Variants in MACROH2A2 observed in about 807,000 individuals in gnomAD.
MACROH2A2 encodes core histone macro-H2A.2.
Under a neutral mutation model 37.6 loss-of-function variants are expected in MACROH2A2, and 6 were observed. The ratio of observed to expected loss-of-function variants is 0.16; its 90% CI spans 0.09 to 0.32. MACROH2A2 has a LOEUF of 0.32. MACROH2A2 is among the 10% of genes least tolerant of loss of function. The probability of loss-of-function intolerance (pLI) is 1.00; values close to 1 mark genes in which losing one functional copy is unlikely to be tolerated. For missense variants in MACROH2A2, 290 were observed against 485.9 expected, an observed-to-expected ratio of 0.60 and a Z score of 3.79; for synonymous variants, 192 against 202.7, an observed-to-expected ratio of 0.95 and a Z score of 0.45.
At chr10:70,097,620 G>C (rs1305575316) in intron 6 of MACROH2A2, among the ~76,000 whole-genome samples, 2 of 152,076 alleles carry the variant, frequency 1.3e-5, no homozygotes, top group African/African-American at 2.4e-5. Flanking sequence ...GGCCACCTTT[G>C]TTTCAGCTCT....
intron 4 of MACROH2A2, 86 bp downstream of exon 4, chr10:70,092,040 A>C: frequency 9.3e-7 from 1 of 1,080,146 alleles, no homozygotes. Context: ...ATATGTTGAA[A>C]CCTAACCCCA....
intron 1 of MACROH2A2, among the ~76,000 whole-genome samples, chr10:70,059,901 G>A (rs1197665343): frequency 6.6e-6 from 1 of 152,200 alleles, no homozygotes; most frequent in Non-Finnish European, 1.5e-5. Context: ...GTGGTGTGGT[G>A]TGGCCAGTGG....
In MACROH2A2 at chr10:70,090,110, C is replaced by T. The variant is rs1173293950; in HGVS notation, c.223C>T (p.Arg75Trp). 1.2e-6 allele frequency: 2 copies of T among 1,613,888 alleles called. No homozygotes were observed. Among genetic ancestry groups the T allele is most frequent in the African/African-American group, 1.3e-5 (1 of 74,912 alleles). ...TGCCGCGAGGGACAACAAGAAGGCC[C>T]GGATAGCCCCGAGACACATCTTGCT... ...GNAARDNKKA[R>W]IAPRHILLAV... The change falls in exon 3 of 9, where the codon CGG (arginine) becomes TGG (tryptophan). Residue 75 changes from arginine (R) to tryptophan (W), a missense_variant. Around this residue, in one of 3 missense-constraint regions of MACROH2A2, gnomAD observed 83 missense variants for 159.9 expected, o/e 0.52. Transcript: ENST00000373255.
rs752853113 is a variant in MACROH2A2 at position 70,111,835 on chromosome 10, C to G, written c.*152C>G. 1.6e-5 allele frequency: 8 copies of G among 515,018 alleles called. No individual in the cohort carries two copies. The highest frequency in any genetic ancestry group is 5.9e-5 in the African/African-American group (3 of 50,694). The allele number at this position is 515,018 out of a possible 1,614,324, so 31.9% of individuals were successfully genotyped here. ...CAGGGAGCCCTCTGCCCTTCACACT[C>G]TCCTCCAAAAGAGCCTCCATCTGTA... On this transcript the variant is annotated 3_prime_UTR_variant, in exon 9 of 9. Transcript: ENST00000373255.
At chr10:70,098,469 C>T (rs1468628029) in intron 6 of MACROH2A2, 8 of 152,208 alleles carry the variant, frequency 5.3e-5, no homozygotes, top group East Asian at 1.9e-4. Flanking sequence ...AATCAGTCCA[C>T]GCACTGCAGT....
chr10:70,069,249 C>T (rs2072095291), intron 1 of MACROH2A2, among the ~76,000 whole-genome samples: 1 of 152,170 alleles, frequency 6.6e-6, no homozygotes, highest in South Asian at 2.1e-4. Flanking sequence ...TTCCCCAGCA[C>T]ACACAAGACC....
At chr10:70,056,025 C>T (rs1318323203) in intron 1 of MACROH2A2, among the ~76,000 whole-genome samples, 1 of 152,032 alleles carries the variant, frequency 6.6e-6, no homozygotes, top group Non-Finnish European at 1.5e-5. Context: ...AAGCAAATTG[C>T]AGAACAGTAC....
At chr10:70,054,089 C>G (rs1308792553) in intron 1 of MACROH2A2, among the ~76,000 whole-genome samples, 2 of 152,210 alleles carry the variant, frequency 1.3e-5, no homozygotes, top group Non-Finnish European at 2.9e-5. Flanking sequence ...TTGTTCCTTA[C>G]AACAATGGCC....
chr10:70,100,278 C>A lies in MACROH2A2; in HGVS notation c.759C>A (p.Gly253=). The change falls in exon 7 of 9, where the codon GGC becomes GGA. Residue 253 remains glycine, a synonymous_variant. Coordinates refer to ENST00000373255, the MANE Select transcript of MACROH2A2 (RefSeq NM_018649.3). Reference sequence around the variant, plus strand: ...TAAAGGAGCTTCGCAAATCCCAAGGCCCTTTGGAAGTCGCCGAAGGTAAGT... The same window carrying A: ...TAAAGGAGCTTCGCAAATCCCAAGGACCTTTGGAAGTCGCCGAAGGTAAGT... The part of the protein sequence containing the change: ...ETVKELRKSQ[G]PLEVAEAAVS... 1 of 1,605,532 alleles carries A rather than the reference C, an allele frequency of 6.2e-7. No individual in the cohort carries two copies. The highest frequency in any genetic ancestry group is 8.5e-7 in the Non-Finnish European group (1 of 1,173,014).
intron 7 of MACROH2A2, among the ~76,000 whole-genome samples, chr10:70,104,210 C>T (rs1334725682): frequency 6.6e-6 from 1 of 152,090 alleles, no homozygotes; most frequent in East Asian, 1.9e-4. Flanking sequence ...TTGTATGTAA[C>T]ATTAAGAAAA....
chr10:70,083,753 G>T (rs892711075), intron 2 of MACROH2A2, among the ~76,000 whole-genome samples: 3 of 149,074 alleles, frequency 2.0e-5, no homozygotes, highest in Admixed American at 6.8e-5. Context: ...GCACAGTTCC[G>T]CAAAGAGTGC....
rs146404483 is a variant in MACROH2A2 at position 70,093,753 on chromosome 10, G to A, written c.496G>A (p.Asp166Asn). ...CCGACAGTCCAAACCAAAGGACAGC[G>A]ATAAAGAAGGAACTTCAAATTCCAC... ...TSKKSKPKDSDKEGTSNSTSE... is the reference protein window; with the variant it reads ...TSKKSKPKDSNKEGTSNSTSE... Residue 166 changes from aspartate to asparagine, a missense_variant, in exon 5 of 9, where the codon GAT (aspartate) becomes AAT (asparagine). This residue lies in a region of MACROH2A2 where 77 missense variants were observed against 68.9 expected (regional missense o/e 1.12). Coordinates refer to ENST00000373255, the MANE Select transcript of MACROH2A2 (RefSeq NM_018649.3). 30 of 1,606,768 alleles carry A rather than the reference G, an allele frequency of 1.9e-5. No homozygotes were observed. The East Asian group carries it at 3.1e-4, about 17-fold the overall frequency.
In MACROH2A2 at chr10:70,058,590, A is replaced by G. The variant is rs141871800; in HGVS notation, c.-60+5590A>G. 1.2e-4 allele frequency among the ~76,000 whole-genome samples: 18 copies of G among 152,090 alleles called. No individual in the cohort carries two copies. In the East Asian group the frequency reaches 3.5e-3, roughly 29 times the overall value. On this transcript the variant is annotated intron_variant, in intron 1 of 8. Coordinates refer to ENST00000373255, the MANE Select transcript of MACROH2A2 (RefSeq NM_018649.3). Reference sequence around the variant, plus strand: ...AGCAGCACAAGATAAAATCAAACCTACCCTGGAACCCAGGCCCCATGCTGG... The same window carrying G: ...AGCAGCACAAGATAAAATCAAACCTGCCCTGGAACCCAGGCCCCATGCTGG...
At chr10:70,072,599 T>C (rs1444294649) in intron 1 of MACROH2A2, among the ~76,000 whole-genome samples, 3 of 152,200 alleles carry the variant, frequency 2.0e-5, no homozygotes. Context: ...GGCAGCACAG[T>C]AGGTTTGTTT....
intron 1 of MACROH2A2, among the ~76,000 whole-genome samples, chr10:70,074,111 G>A (rs150931358): frequency 1.0e-3 from 159 of 152,150 alleles, no homozygotes; most frequent in African/African-American, 3.7e-3. Context: ...TCCATTTGTC[G>A]GTTACGGTAC....
intron 7 of MACROH2A2, among the ~76,000 whole-genome samples, chr10:70,108,601 T>C (rs1290281845): frequency 6.6e-6 from 1 of 152,202 alleles, no homozygotes; most frequent in African/African-American, 2.4e-5. Flanking sequence ...GAGCCTTCAC[T>C]TAATCACATC....
At chr10:70,104,362 G>GAAAAAAAAA (rs869029665) in intron 7 of MACROH2A2, among the ~76,000 whole-genome samples, 1 of 123,390 alleles carries the variant, frequency 8.1e-6, no homozygotes. Context: ...GGACAGAGAG[G>GAAAAAAAAA]AAAAAAAAAA....
intron 2 of MACROH2A2, among the ~76,000 whole-genome samples, chr10:70,076,945 G>A (rs772190662): frequency 2.6e-5 from 4 of 152,080 alleles, no homozygotes; most frequent in Non-Finnish European, 4.4e-5. Context: ...GATCCAAGGA[G>A]GAAATGTCCT....
intron 2 of MACROH2A2, among the ~76,000 whole-genome samples, chr10:70,088,059 G>A (rs2072221607): frequency 6.6e-6 from 1 of 151,996 alleles, no homozygotes; most frequent in African/African-American, 2.4e-5. Flanking sequence ...TTAATTTTAG[G>A]GCTTAGTATT....
Sources: gnomAD v4.1 joint callset for allele counts (sites outside exome capture counted in the v4.1 genomes callset) on GRCh38, gnomAD v4.1.1 for gene constraint, gnomAD v4.1.1 regional missense constraint, MANE v1.5 for transcripts, NCBI Gene and HGNC (gene_info 2026-07-23, HGNC 2026-07-21) for gene names.